PSMD11: variants seen among roughly 807,000 people sequenced by gnomAD.
PSMD11 encodes proteasome 26S subunit, non-ATPase 11, also known as 26S proteasome non-ATPase regulatory subunit 11.
In PSMD11, 5 loss-of-function variants were observed where a neutral mutation model predicts 62.3. The observed-to-expected ratio is 0.08, with a 90% confidence interval of 0.04 to 0.17. PSMD11 has a LOEUF of 0.17. PSMD11 is among the 10% of genes least tolerant of loss of function. PSMD11 has a pLI of 1.00. For synonymous variants in PSMD11, 191 were observed against 191.8 expected (o/e 1.00, Z 0.03); for missense variants, 310 against 512.9 (o/e 0.60, Z 3.82).
In PSMD11 at chr17:32,444,544, G is replaced by A; in HGVS notation, c.21G>A (p.Val7=). The change falls in exon 1 of 14, where the codon GTG becomes GTA. Residue 7 remains valine, a synonymous_variant. Coordinates refer to ENST00000261712, the MANE Select transcript of PSMD11 (RefSeq NM_002815.4). The part of the protein sequence containing the change: MAAAAV[V]EFQRAQSLLS... ...GTAAGATGGCGGCGGCGGCGGTGGT[G>A]GAGTTCCAGAGAGCCCAGTCTCTAC... The A allele has an allele frequency of 6.2e-7, 1 of 1,608,290 alleles. No individual in the cohort carries two copies. The highest frequency in any genetic ancestry group is 2.2e-5 in the East Asian group (1 of 44,530).
chr17:32,469,643 T>G (rs1236746968), intron 6 of PSMD11, among the ~76,000 whole-genome samples: 1 of 151,994 alleles, frequency 6.6e-6, no homozygotes, highest in Non-Finnish European at 1.5e-5. Context: ...ATGGAGTGCG[T>G]GAATGTGAGG....
At position 32,479,276 on chromosome 17, in the gene PSMD11, T is replaced by G; in HGVS notation, c.938T>G (p.Leu313Arg). 1 of 1,614,180 alleles carries G rather than the reference T, an allele frequency of 6.2e-7. No homozygotes were observed. Among genetic ancestry groups the G allele is most frequent in the Non-Finnish European group, 8.5e-7 (1 of 1,180,012 alleles). Residue 313 changes from leucine (L) to arginine (R), a missense_variant, in exon 10 of 14, where the codon CTC (leucine) becomes CGC (arginine). This residue lies in a region of PSMD11 where 135 missense variants were observed against 195.4 expected (regional missense o/e 0.69). Coordinates refer to ENST00000261712, the MANE Select transcript of PSMD11 (RefSeq NM_002815.4). ...GCTCTGACAGATTACCGGGCAGAGC[T>G]CCGGGATGACCCAATCATCAGCACA... ...EKALTDYRAE[L>R]RDDPIISTHL...
chr17:32,464,726 T>C, intron 5 of PSMD11, 148 bp downstream of exon 5: 1 of 534,656 alleles, frequency 1.9e-6, no homozygotes, highest in East Asian at 3.3e-5. Context: ...GCATTTGTCA[T>C]GGGAAAATGT....
intron 3 of PSMD11, among the ~76,000 whole-genome samples, chr17:32,456,680 C>T (rs528149066): frequency 6.6e-6 from 1 of 152,364 alleles, no homozygotes; most frequent in South Asian, 2.1e-4. Context: ...CAGGCGCCCG[C>T]CACCACGCCT....
intron 6 of PSMD11, among the ~76,000 whole-genome samples, chr17:32,473,472 A>T (rs1340602400): frequency 6.6e-6 from 1 of 151,596 alleles, no homozygotes; most frequent in African/African-American, 2.4e-5. Flanking sequence ...TAGAGATGGG[A>T]TTTGTCCATG....
chr17:32,477,345 T>C (rs1405667012), intron 8 of PSMD11, 176 bp from the exon 9 acceptor site: 2 of 455,352 alleles, frequency 4.4e-6, no homozygotes, highest in Non-Finnish European at 7.7e-6. Flanking sequence ...CAGGTTGGCA[T>C]ATAGTGGTAT....
rs191022339 is a variant in PSMD11 at position 32,450,516 on chromosome 17, C to G, written c.193+3470C>G. On this transcript the variant is annotated intron_variant, in intron 2 of 13. Coordinates refer to ENST00000261712, the MANE Select transcript of PSMD11 (RefSeq NM_002815.4). ...TCCTGACCTCAGGTGATCCACCCGC[C>G]TTGGCCTCCCAAAGTGCTGGGATTC... Among the ~76,000 whole-genome samples the G allele has an allele frequency of 7.3e-3, 1,104 of 151,712 alleles. 16 individuals are homozygous for G. Among genetic ancestry groups the G allele is most frequent in the African/African-American group, 0.026 (1,058 of 41,314 alleles).
chr17:32,450,936 A>G (rs1178727709), intron 2 of PSMD11, among the ~76,000 whole-genome samples: 1 of 151,692 alleles, frequency 6.6e-6, no homozygotes, highest in Non-Finnish European at 1.5e-5. Context: ...CATGGGTAAC[A>G]TAAGGAGACC....
rs1057243702 is a variant in PSMD11 at position 32,464,458 on chromosome 17, A to G, written c.391-63A>G. 3.6e-5 allele frequency: 48 copies of G among 1,334,456 alleles called. No homozygotes were observed. The South Asian group carries it at 5.8e-4, about 16-fold the overall frequency. 82.7% of individuals were successfully genotyped at this position (1,334,456 alleles called of 1,614,324 possible). A position where few individuals can be genotyped will look rare whatever the true frequency, so the allele number is the denominator to read the frequency against. On this transcript the variant is annotated intron_variant, in intron 4 of 13. Transcript: ENST00000261712. ...AACAGTAACAGTTCTGTGACTGTCA[A>G]TCTTTGATTTCTTTCTGTGGCTTTT...
chr17:32,465,270 G>A (rs1270188439), intron 5 of PSMD11, among the ~76,000 whole-genome samples: 2 of 152,196 alleles, frequency 1.3e-5, no homozygotes, highest in Non-Finnish European at 1.5e-5. Flanking sequence ...GCAGGCATGT[G>A]CCTGGCTAAT....
intron 6 of PSMD11, among the ~76,000 whole-genome samples, chr17:32,472,055 A>G (rs1234713751): frequency 6.6e-6 from 1 of 151,758 alleles, no homozygotes; most frequent in African/African-American, 2.4e-5. Context: ...TTTTGTAGAG[A>G]TGGGGTTTCA....
At chr17:32,461,089 T>C (rs1192569428) in intron 3 of PSMD11, among the ~76,000 whole-genome samples, 2 of 152,052 alleles carry the variant, frequency 1.3e-5, no homozygotes, top group Non-Finnish European at 1.5e-5. Flanking sequence ...CACTTTTTCT[T>C]TTTTTTGAGA....
At chr17:32,445,679 C>G in intron 1 of PSMD11, 1 of 152,172 alleles carries the variant, frequency 6.6e-6, no homozygotes, top group East Asian at 1.9e-4. Context: ...ATTGGCTCAA[C>G]AAGTAGTATG....
chr17:32,447,307 A>T (rs1045795770), intron 2 of PSMD11: 3 of 355,404 alleles, frequency 8.4e-6, no homozygotes, highest in Non-Finnish European at 1.5e-5. Flanking sequence ...TTGAATTCTC[A>T]CTGTATTCCC....
At chr17:32,444,713 T>C in intron 1 of PSMD11, 99 bp downstream of exon 1, 1 of 1,458,026 alleles carries the variant, frequency 6.9e-7, no homozygotes, top group Non-Finnish European at 9.4e-7. Flanking sequence ...GCTCTGATGC[T>C]GCTGACTCAC....
intron 8 of PSMD11, among the ~76,000 whole-genome samples, chr17:32,475,028 T>C (rs754889322): frequency 1.3e-5 from 2 of 152,222 alleles, no homozygotes; most frequent in Non-Finnish European, 2.9e-5. Flanking sequence ...GGTGCTCTTA[T>C]GGACATCACG....
At chr17:32,479,148 A>C (rs552798198) in intron 9 of PSMD11, 103 bp from the exon 10 acceptor site, 1 of 1,419,680 alleles carries the variant, frequency 7.0e-7, no homozygotes, top group Admixed American at 2.1e-5. Flanking sequence ...ACTTCATTCA[A>C]CCATGTAGTT....
intron 5 of PSMD11, among the ~76,000 whole-genome samples, chr17:32,466,454 G>A (rs1289117126): frequency 1.3e-5 from 2 of 152,136 alleles, no homozygotes; most frequent in African/African-American, 2.4e-5. Flanking sequence ...CTTCTTTCAC[G>A]TAGCATTATG....
chr17:32,451,874 G>A (rs753570398), intron 2 of PSMD11, among the ~76,000 whole-genome samples: 39 of 152,134 alleles, frequency 2.6e-4, no homozygotes, highest in Non-Finnish European at 5.1e-4. Context: ...AAGTAACTGG[G>A]ACTACAGGCC....
Sources: allele counts gnomAD v4.1 joint callset (sites outside exome capture counted in the v4.1 genomes callset), GRCh38; gene constraint gnomAD v4.1.1; regional missense constraint gnomAD v4.1.1; transcripts MANE v1.5; gene names NCBI Gene and HGNC (gene_info 2026-07-23, HGNC 2026-07-21).